Variants in SLC2A13 observed in about 807,000 individuals in gnomAD.
The protein encoded by SLC2A13 is proton myo-inositol cotransporter.
In SLC2A13, 32 loss-of-function variants were observed where a neutral mutation model predicts 64.4. The ratio of observed to expected loss-of-function variants is 0.50; its 90% confidence interval spans 0.37 to 0.67. The LOEUF is 0.67. SLC2A13 is among the 30% of genes least tolerant of loss of function. SLC2A13 has a pLI of 0.00. For synonymous variants in SLC2A13, 338 were observed against 327.1 expected, an observed-to-expected ratio of 1.03 and a Z score of -0.36; for missense variants, 743 against 829.2, an observed-to-expected ratio of 0.90 and a Z score of 1.28.
At position 39,842,329 on chromosome 12, in the gene SLC2A13, C is replaced by G. The variant is rs151338239; in HGVS notation, c.1320-12101G>C. 6.2e-3 allele frequency among the ~76,000 whole-genome samples: 945 copies of G among 152,136 alleles called. 12 individuals carry two copies. Among genetic ancestry groups the G allele is most frequent in the African/African-American group, 0.022 (894 of 41,532 alleles). Reference sequence around the variant, plus strand: ...ATTCCTGTTTCACAGATGAAGAAAACAAAGCTTGGAAAGCTAAGAGACTTG... The same window carrying G: ...ATTCCTGTTTCACAGATGAAGAAAAGAAAGCTTGGAAAGCTAAGAGACTTG... On this transcript the variant is annotated intron_variant, in intron 6 of 9. Transcript: ENST00000280871.
At chr12:40,042,547 T>C (rs553139169) in intron 2 of SLC2A13, among the ~76,000 whole-genome samples, 2 of 152,294 alleles carry the variant, frequency 1.3e-5, no homozygotes, top group South Asian at 4.1e-4. Context: ...TATCTATCTA[T>C]GAAGTATATA....
intron 3 of SLC2A13, among the ~76,000 whole-genome samples, chr12:39,967,168 T>A (rs1423543454): frequency 6.6e-6 from 1 of 152,188 alleles, no homozygotes; most frequent in Non-Finnish European, 1.5e-5. Context: ...AAAAATGCAA[T>A]CTTCCCACTG....
chr12:39,766,635 C>T (rs1429036462), intron 7 of SLC2A13, among the ~76,000 whole-genome samples: 1 of 152,044 alleles, frequency 6.6e-6, no homozygotes, highest in East Asian at 1.9e-4. Flanking sequence ...CAGATAACTT[C>T]TTTCAAAATT....
At chr12:40,014,443 T>C (rs1300899618) in intron 3 of SLC2A13, among the ~76,000 whole-genome samples, 2 of 152,200 alleles carry the variant, frequency 1.3e-5, no homozygotes, top group Non-Finnish European at 2.9e-5. Context: ...TCCACTTGAA[T>C]ACTTCAAAAT....
chr12:39,910,191 C>T (rs1016537313), intron 4 of SLC2A13, among the ~76,000 whole-genome samples: 1 of 151,996 alleles, frequency 6.6e-6, no homozygotes, highest in Non-Finnish European at 1.5e-5. Context: ...CCCTAGCAAC[C>T]CTAGAAAGTG....
chr12:40,053,659 A>G (rs1426625766), intron 1 of SLC2A13, among the ~76,000 whole-genome samples: 1 of 152,164 alleles, frequency 6.6e-6, no homozygotes, highest in African/African-American at 2.4e-5. Context: ...GCTTGGAACA[A>G]TTAGTAAGAA....
intron 3 of SLC2A13, 130 bp downstream of exon 3, chr12:40,028,165 GTATAAA>G (rs1283187103): frequency 9.6e-6 from 4 of 416,762 alleles, no homozygotes; most frequent in African/African-American, 4.1e-5. Context: ...GGATATTTTT[GTATAAA>G]TATAAATATC....
At chr12:39,824,608 T>C (rs1942618619) in intron 7 of SLC2A13, among the ~76,000 whole-genome samples, 1 of 152,164 alleles carries the variant, frequency 6.6e-6, no homozygotes, top group Non-Finnish European at 1.5e-5. Context: ...TGGACGTGTC[T>C]CCTGGAAATC....
chr12:39,889,707 A>G (rs1276359864), intron 4 of SLC2A13, among the ~76,000 whole-genome samples: 1 of 151,508 alleles, frequency 6.6e-6, no homozygotes, highest in Non-Finnish European at 1.5e-5. Context: ...TAATTTTTGT[A>G]TTTTTAGAGA....
At chr12:40,039,083 A>T (rs904689621) in intron 2 of SLC2A13, among the ~76,000 whole-genome samples, 2 of 152,214 alleles carry the variant, frequency 1.3e-5, no homozygotes, top group African/African-American at 4.8e-5. Context: ...CTGCCAGCTG[A>T]TAATTTTTGC....
chr12:39,846,478 C>A (rs75128675), intron 6 of SLC2A13, among the ~76,000 whole-genome samples: 2,406 of 152,260 alleles, frequency 0.016, 62 homozygotes, highest in African/African-American at 0.055. Context: ...TTTTAGACAG[C>A]ATCTCACTCT....
At chr12:40,000,667 T>C (rs563646732) in intron 3 of SLC2A13, among the ~76,000 whole-genome samples, 3 of 152,336 alleles carry the variant, frequency 2.0e-5, no homozygotes, top group South Asian at 4.1e-4. Flanking sequence ...TCCCGCAGTA[T>C]CCCGACATGT....
At chr12:39,990,446 T>C (rs1209313011) in intron 3 of SLC2A13, among the ~76,000 whole-genome samples, 1 of 152,170 alleles carries the variant, frequency 6.6e-6, no homozygotes, top group Non-Finnish European at 1.5e-5. Flanking sequence ...GAGTAAGAGT[T>C]CTTCTACTTA....
At position 39,895,760 on chromosome 12, in the gene SLC2A13, G is replaced by A. The variant is rs1275196969; in HGVS notation, c.1035-23799C>T. On this transcript the variant is annotated intron_variant, in intron 4 of 9. Transcript: ENST00000280871. The stretch of plus-strand genomic sequence containing the variant: ...TACACACATGTATATGCGTGTATAC[G>A]TACACACATGTATATGCGTGTATAC... 5.6e-5 allele frequency among the ~76,000 whole-genome samples: 2 copies of A among 36,036 alleles called. 1 individual carries two copies. Among genetic ancestry groups the A allele is most frequent in the Non-Finnish European group, 1.3e-4 (2 of 15,560 alleles). The allele number at this position is 36,036 out of a possible 152,430, so 23.6% of individuals were successfully genotyped here.
intron 3 of SLC2A13, among the ~76,000 whole-genome samples, chr12:39,971,997 A>AAAAATATATATATATAT (rs1375405006): frequency 1.3e-4 from 10 of 77,342 alleles, no homozygotes; most frequent in East Asian, 6.4e-4. Flanking sequence ...AAAAAAAAAA[A>AAAAATATATATATATAT]ATATATATAT....
chr12:40,091,081 G>A (rs1311780778), intron 1 of SLC2A13, among the ~76,000 whole-genome samples: 1 of 152,156 alleles, frequency 6.6e-6, no homozygotes, highest in Admixed American at 6.5e-5. Flanking sequence ...AACCTGTACA[G>A]CATGTTATTG....
At chr12:39,815,930 T>C (rs1592164962) in intron 7 of SLC2A13, among the ~76,000 whole-genome samples, 1 of 152,224 alleles carries the variant, frequency 6.6e-6, no homozygotes, top group Non-Finnish European at 1.5e-5. Flanking sequence ...TATGAAGTCA[T>C]AGATTTCTGA....
At position 40,048,209 on chromosome 12, in the gene SLC2A13, G is replaced by A. The variant is rs771061963; in HGVS notation, c.558C>T (p.Gly186=). 1.3e-6 allele frequency: 2 copies of A among 1,590,246 alleles called. No homozygotes were observed. The highest frequency in any genetic ancestry group is 2.2e-5 in the East Asian group (1 of 44,680). ...AGRLVVGLGI[G]IASMTVPVYI... is the part of the protein sequence containing the mutation. Reference sequence around the variant, plus strand: ...ACACTGGCACTGTCATAGAAGCAATGCCTATAAAAACAATGAAAAGTAAAT... The same window carrying A: ...ACACTGGCACTGTCATAGAAGCAATACCTATAAAAACAATGAAAAGTAAAT... Residue 186 remains glycine (G), a splice_region_variant and synonymous_variant, in exon 2 of 10, where the codon GGC becomes GGT. Coordinates refer to ENST00000280871, the MANE Select transcript of SLC2A13 (RefSeq NM_052885.4).
intron 3 of SLC2A13, among the ~76,000 whole-genome samples, chr12:39,970,940 T>A (rs7966222): frequency 8.6e-5 from 13 of 151,942 alleles, no homozygotes; most frequent in African/African-American, 3.1e-4. Context: ...ACGGACTGCA[T>A]TTTTCTTTCC....
Sources: gnomAD v4.1 joint callset for allele counts (sites outside exome capture counted in the v4.1 genomes callset) on GRCh38, gnomAD v4.1.1 for gene constraint, MANE v1.5 for transcripts, NCBI Gene and HGNC (gene_info 2026-07-23, HGNC 2026-07-21) for gene names.